ZDHHC9: variants seen among roughly 807,000 people sequenced by gnomAD.
ZDHHC9 encodes zDHHC palmitoyltransferase 9.
ZDHHC9 carries 3 observed loss-of-function variants against 26.6 expected under a neutral mutation model. That is an observed-to-expected ratio of 0.11 (90% CI 0.05 to 0.29). ZDHHC9 has a LOEUF of 0.29. Among genes scored for constraint, ZDHHC9 ranks in the 10% least tolerant of loss-of-function variants. ZDHHC9 has a pLI of 1.00. For synonymous variants in ZDHHC9, 111 were observed against 109.4 expected (o/e 1.01, Z -0.09); for missense variants, 146 against 296.4 (o/e 0.49, Z 3.73).
At chrX:129,822,585 C>T (rs749054445) in intron 5 of ZDHHC9, among the ~76,000 whole-genome samples, 34 of 110,842 alleles carry the variant, frequency 3.1e-4, no homozygotes, top group Non-Finnish European at 5.7e-4. Context: ...CCTGCACATT[C>T]TGCACACGTA....
intron 3 of ZDHHC9, among the ~76,000 whole-genome samples, chrX:129,839,095 A>G (rs985052541): frequency 8.9e-6 from 1 of 112,108 alleles, no homozygotes; most frequent in Admixed American, 9.4e-5. Flanking sequence ...CAGCAGCCAG[A>G]GGATGTGGAG....
At chrX:129,827,574 C>T (rs977541748) in intron 4 of ZDHHC9, among the ~76,000 whole-genome samples, 6 of 110,737 alleles carry the variant, frequency 5.4e-5, no homozygotes, top group African/African-American at 1.6e-4. Flanking sequence ...ACTGTGAGAT[C>T]CCAGGATATC....
At chrX:129,830,900 C>T (rs1395822721) in intron 3 of ZDHHC9, among the ~76,000 whole-genome samples, 2 of 111,779 alleles carry the variant, frequency 1.8e-5, no homozygotes, top group African/African-American at 6.5e-5. Flanking sequence ...CACATATGTA[C>T]TGAACCTGAA....
chrX:129,837,418 G>T lies in ZDHHC9; in HGVS notation c.167+4361C>A, dbSNP rs547206279. Reference sequence around the variant, plus strand: ...GAGCGGTGTGTACAATTAGCCCAATGAATGCAGAAATTACTGGAAAGTTTT... The same window carrying T: ...GAGCGGTGTGTACAATTAGCCCAATTAATGCAGAAATTACTGGAAAGTTTT... On this transcript the variant is annotated intron_variant, in intron 3 of 10. Coordinates refer to ENST00000357166, the MANE Select transcript of ZDHHC9 (RefSeq NM_016032.4). Among the ~76,000 whole-genome samples, 5 of 112,421 alleles carry T rather than the reference G, an allele frequency of 4.4e-5. No homozygotes were observed. The East Asian group carries it at 8.3e-4, about 19-fold the overall frequency.
At chrX:129,817,736 TTG>T (rs1927789724) in intron 5 of ZDHHC9, among the ~76,000 whole-genome samples, 1 of 110,795 alleles carries the variant, frequency 9.0e-6, no homozygotes, top group South Asian at 3.8e-4. Context: ...ATTTGTCTTT[TTG>T]TGTCTTTTTT....
chrX:129,837,007 A>C (rs762490942), intron 3 of ZDHHC9, among the ~76,000 whole-genome samples: 24 of 111,942 alleles, frequency 2.1e-4, no homozygotes, highest in Non-Finnish European at 4.3e-4. Flanking sequence ...AAAATGTCGA[A>C]ATTAGAAGAA....
chrX:129,820,156 A>T (rs1432428098), intron 5 of ZDHHC9, among the ~76,000 whole-genome samples: 1 of 112,146 alleles, frequency 8.9e-6, no homozygotes, highest in Non-Finnish European at 1.9e-5. Flanking sequence ...CACTGGCACC[A>T]AAAGGTATAG....
intron 4 of ZDHHC9, among the ~76,000 whole-genome samples, chrX:129,825,705 C>T (rs1365605090): frequency 9.0e-6 from 1 of 111,457 alleles, no homozygotes; most frequent in Non-Finnish European, 1.9e-5. Context: ...AGAACATACT[C>T]ATGTGTTAAA....
chrX:129,842,100 G>GAA lies in ZDHHC9; in HGVS notation c.-135-22_-135-21dup. 1 of 619,269 alleles carries GAA rather than the reference G, an allele frequency of 1.6e-6. No homozygotes were observed. The highest frequency in any genetic ancestry group is 2.5e-6 in the Non-Finnish European group (1 of 404,666). 51.0% of individuals were successfully genotyped at this position (619,269 alleles called of 1,213,427 possible). A position where few individuals can be genotyped will look rare whatever the true frequency, so the allele number is the denominator to read the frequency against. ...CTAGCCCTAAGAAAAAGCAGAAAAA[G>GAA]AAAAAAAAATGAGGCAATAATAAGA... On this transcript the variant is annotated intron_variant, in intron 2 of 10. Coordinates refer to ENST00000357166, the MANE Select transcript of ZDHHC9 (RefSeq NM_016032.4).
Position 129,803,745 on chromosome X carries a change from G to T in ZDHHC9, c.*2625C>A, listed in dbSNP as rs1927446998. Reference sequence around the variant, plus strand: ...CAGCCAATTTCCACCTGCCCCCAGAGGTTTGGGATCAGTGCCAACCATCCT... The same window carrying T: ...CAGCCAATTTCCACCTGCCCCCAGATGTTTGGGATCAGTGCCAACCATCCT... On this transcript the variant is annotated 3_prime_UTR_variant, in exon 11 of 11. Transcript: ENST00000357166. The T allele has an allele frequency of 8.9e-6, 1 of 112,124 alleles. No individual in the cohort carries two copies. The highest frequency in any genetic ancestry group is 1.9e-5 in the Non-Finnish European group (1 of 53,238). The allele number at this position is 112,124 out of a possible 1,213,427, so 9.2% of individuals were successfully genotyped here. A position where few individuals can be genotyped will look rare whatever the true frequency, so the allele number is the denominator to read the frequency against.
intron 2 of ZDHHC9, among the ~76,000 whole-genome samples, 167 bp from the exon 3 acceptor site, chrX:129,842,247 T>C: frequency 8.9e-6 from 1 of 112,039 alleles, no homozygotes; most frequent in East Asian, 2.8e-4. Context: ...GAAGGTATGA[T>C]AAAAGGTTCT....
chrX:129,843,042 C>T (rs1928417993), intron 2 of ZDHHC9, among the ~76,000 whole-genome samples: 1 of 112,644 alleles, frequency 8.9e-6, no homozygotes, highest in South Asian at 3.6e-4. Context: ...GGTGTTGTGG[C>T]CTCTATTTAC....
intron 3 of ZDHHC9, among the ~76,000 whole-genome samples, chrX:129,838,256 C>T (rs1282792591): frequency 8.9e-6 from 1 of 112,063 alleles, no homozygotes; most frequent in African/African-American, 3.2e-5. Context: ...TTGAGTCTTC[C>T]AGACAGACAC....
chrX:129,804,316 C>T lies in ZDHHC9; in HGVS notation c.*2054G>A, dbSNP rs1485142903. ...TGAGAGAACCAGAAAAAGAAGCAGA[C>T]AGGAGAGGGATCTGAGTCAGTCTCT... is the stretch of plus-strand genomic sequence containing the variant. On this transcript the variant is annotated 3_prime_UTR_variant, in exon 11 of 11. Coordinates refer to ENST00000357166, the MANE Select transcript of ZDHHC9 (RefSeq NM_016032.4). 3.6e-5 allele frequency: 4 copies of T among 111,493 alleles called. No individual in the cohort carries two copies. The highest frequency in any genetic ancestry group is 9.8e-5 in the African/African-American group (3 of 30,612). The allele number at this position is 111,493 out of a possible 1,213,427, so 9.2% of individuals were successfully genotyped here.
At chrX:129,807,586 G>A (rs774189176) in intron 10 of ZDHHC9, among the ~76,000 whole-genome samples, 17 of 111,745 alleles carry the variant, frequency 1.5e-4, no homozygotes, top group Admixed American at 7.6e-4. Flanking sequence ...TTGGGAGGCC[G>A]AGGAGGGTAG....
chrX:129,838,365 G>A (rs891780697), intron 3 of ZDHHC9, among the ~76,000 whole-genome samples: 1 of 111,266 alleles, frequency 9.0e-6, no homozygotes, highest in Non-Finnish European at 1.9e-5. Flanking sequence ...GAGACCCCCC[G>A]GCTTCTTCAG....
chrX:129,816,881 T>G (rs974113579), intron 5 of ZDHHC9, among the ~76,000 whole-genome samples: 3 of 111,013 alleles, frequency 2.7e-5, no homozygotes, highest in Non-Finnish European at 5.7e-5. Context: ...TTTTTATTTT[T>G]ATTTATTTAT....
chrX:129,823,840 G>A lies in ZDHHC9; in HGVS notation c.329-3C>T, dbSNP rs1253347459. 2 of 1,207,860 alleles carry A rather than the reference G, an allele frequency of 1.7e-6. No individual in the cohort carries two copies. Among genetic ancestry groups the A allele is most frequent in the East Asian group, 3.0e-5 (1 of 33,875 alleles). ...GGGCACCGCACCATTGGTAGCTTCTGTAAATCAATAAAGACAGTTAATATC... is the reference window on the plus strand; with the variant it reads ...GGGCACCGCACCATTGGTAGCTTCTATAAATCAATAAAGACAGTTAATATC... On this transcript the variant is annotated splice_region_variant and splice_polypyrimidine_tract_variant and intron_variant, in intron 4 of 10. Transcript: ENST00000357166.
chrX:129,812,878 C>T (rs1927675530), intron 7 of ZDHHC9, 58 bp from the exon 8 acceptor site: 3 of 838,748 alleles, frequency 3.6e-6, no homozygotes, highest in Non-Finnish European at 5.4e-6. Context: ...GATGCCTCCG[C>T]CCATATTCAG....
Sources: gnomAD v4.1 joint callset for allele counts (sites outside exome capture counted in the v4.1 genomes callset) on GRCh38, gnomAD v4.1.1 for gene constraint, MANE v1.5 for transcripts, NCBI Gene and HGNC (gene_info 2026-07-23, HGNC 2026-07-21) for gene names.